The following SCHIP1 variants were observed in gnomAD, a reference collection of about 807,000 sequenced individuals.
The protein encoded by SCHIP1 is schwannomin-interacting protein 1.
A neutral mutation model predicts 29.7 loss-of-function variants in SCHIP1; 8 were observed. The observed-to-expected ratio is 0.27, with a 90% CI of 0.16 to 0.49. The LOEUF is 0.49. Ranked by LOEUF, SCHIP1 falls within the 20% of genes least tolerant of loss-of-function variation. The pLI, the probability that SCHIP1 is intolerant of heterozygous loss-of-function variation, is 0.99. For synonymous variants in SCHIP1, 76 were observed against 94.9 expected, an observed-to-expected ratio of 0.80 and a Z score of 1.16; for missense variants, 193 against 294.6, an observed-to-expected ratio of 0.66 and a Z score of 2.52.
At chr3:159,320,647 G>T in the SCHIP1 span, among the ~76,000 whole-genome samples, 11 of 151,836 alleles carry the variant, frequency 7.2e-5, no homozygotes, top group Non-Finnish European at 1.3e-4. Flanking sequence ...TAAAACCTTG[G>T]CTGGTTAAAT....
chr3:159,377,183 C>A, the SCHIP1 span, among the ~76,000 whole-genome samples: 3 of 152,226 alleles, frequency 2.0e-5, no homozygotes, highest in South Asian at 4.1e-4. Flanking sequence ...AGCCAAGCAC[C>A]ACCTCCTTTG....
At chr3:159,780,390 G>A in the SCHIP1 span, among the ~76,000 whole-genome samples, 3 of 152,090 alleles carry the variant, frequency 2.0e-5, no homozygotes, top group Non-Finnish European at 2.9e-5. Context: ...CTTGCAAGTC[G>A]GGAACCCTAA....
the SCHIP1 span, among the ~76,000 whole-genome samples, chr3:159,501,380 T>C: frequency 6.6e-6 from 1 of 152,256 alleles, no homozygotes; most frequent in African/African-American, 2.4e-5. Context: ...TTACAACTCC[T>C]GCCATCTCCA....
chr3:159,677,284 T>C, the SCHIP1 span, among the ~76,000 whole-genome samples: 1 of 152,180 alleles, frequency 6.6e-6, no homozygotes, highest in South Asian at 2.1e-4. Context: ...GTGCCACTAG[T>C]ATGCACACTC....
intron 2 of SCHIP1, among the ~76,000 whole-genome samples, chr3:159,871,496 C>G (rs1013188580): frequency 4.6e-5 from 7 of 152,094 alleles, no homozygotes; most frequent in Middle Eastern, 3.2e-3. Flanking sequence ...TAACTATTGC[C>G]TAAAATAGTA....
chr3:159,369,185 A>C, the SCHIP1 span, among the ~76,000 whole-genome samples: 2 of 152,174 alleles, frequency 1.3e-5, no homozygotes, highest in African/African-American at 4.8e-5. Flanking sequence ...TTTTTAGTCC[A>C]TTATCTTCAG....
the SCHIP1 span, among the ~76,000 whole-genome samples, chr3:159,620,824 C>G: frequency 3.2e-4 from 48 of 152,136 alleles, no homozygotes; most frequent in Non-Finnish European, 5.7e-4. Context: ...ATGAGCAAAG[C>G]CTTTTCTTTT....
At chr3:159,880,164 G>T (rs566843079) in intron 2 of SCHIP1, among the ~76,000 whole-genome samples, 3 of 152,280 alleles carry the variant, frequency 2.0e-5, no homozygotes, top group African/African-American at 7.2e-5. Flanking sequence ...GATATAAAGA[G>T]ACATAATGTC....
the SCHIP1 span, among the ~76,000 whole-genome samples, chr3:159,330,920 C>A: frequency 6.6e-6 from 1 of 152,140 alleles, no homozygotes; most frequent in Admixed American, 6.5e-5. Flanking sequence ...AGCTCGTTCC[C>A]TCCTTGGGCT....
At chr3:159,777,004 C>T in the SCHIP1 span, among the ~76,000 whole-genome samples, 1 of 152,292 alleles carries the variant, frequency 6.6e-6, no homozygotes, top group Non-Finnish European at 1.5e-5. Context: ...CACTTGCCGC[C>T]TGACTTCGTG....
At chr3:159,812,528 C>A in the SCHIP1 span, among the ~76,000 whole-genome samples, 3 of 152,148 alleles carry the variant, frequency 2.0e-5, no homozygotes, top group Non-Finnish European at 4.4e-5. Flanking sequence ...TATTACATGG[C>A]GTGCATATCC....
the SCHIP1 span, among the ~76,000 whole-genome samples, chr3:159,554,124 C>T: frequency 1.3e-5 from 2 of 151,394 alleles, no homozygotes; most frequent in African/African-American, 4.9e-5. Context: ...CCCGCCTTGG[C>T]TTCCCAAAGT....
At chr3:159,328,279 G>T in the SCHIP1 span, among the ~76,000 whole-genome samples, 1 of 152,108 alleles carries the variant, frequency 6.6e-6, no homozygotes, top group Non-Finnish European at 1.5e-5. Flanking sequence ...GGACAATTGT[G>T]CCCTAGAAGT....
the SCHIP1 span, among the ~76,000 whole-genome samples, chr3:159,660,302 G>A: frequency 6.6e-6 from 1 of 152,138 alleles, no homozygotes. Context: ...ACAAATAAAA[G>A]CCAATAGAGC....
At chr3:159,501,316 T>C in the SCHIP1 span, among the ~76,000 whole-genome samples, 2 of 152,226 alleles carry the variant, frequency 1.3e-5, no homozygotes, top group African/African-American at 4.8e-5. Flanking sequence ...TTCTAAAGTT[T>C]GGAAACAAAA....
the SCHIP1 span, among the ~76,000 whole-genome samples, chr3:159,827,774 C>A: frequency 1.3e-5 from 2 of 149,730 alleles, no homozygotes; most frequent in African/African-American, 5.0e-5. Flanking sequence ...CACTGCAGTC[C>A]GCAGTCCGGC....
At chr3:159,873,023 A>G (rs1463578467) in intron 2 of SCHIP1, among the ~76,000 whole-genome samples, 2 of 152,224 alleles carry the variant, frequency 1.3e-5, no homozygotes, top group Non-Finnish European at 2.9e-5. Context: ...TAGGTAACTT[A>G]CAGAAAAGCT....
chr3:159,892,265 G>A (rs1244107015), intron 6 of SCHIP1, 75 bp downstream of exon 7: 1 of 1,551,592 alleles, frequency 6.4e-7, no homozygotes, highest in African/African-American at 1.4e-5. Flanking sequence ...GCAAAAACTA[G>A]CTCAAGAGAA....
chr3:159,427,535 T>C, the SCHIP1 span, among the ~76,000 whole-genome samples: 4 of 151,974 alleles, frequency 2.6e-5, no homozygotes, highest in African/African-American at 9.7e-5. Context: ...CACTGCTCAA[T>C]GAAATTAGAG....
Sources: allele counts gnomAD v4.1 joint callset (sites outside exome capture counted in the v4.1 genomes callset), GRCh38; gene constraint gnomAD v4.1.1; transcripts MANE v1.5; gene names NCBI Gene and HGNC (gene_info 2026-07-23, HGNC 2026-07-21).